The following PDE4D variants were observed in gnomAD, a reference collection of about 807,000 sequenced individuals.
PDE4D encodes phosphodiesterase 4D, also known as 3',5'-cyclic-AMP phosphodiesterase 4D.
PDE4D carries 24 observed loss-of-function variants against 87.4 expected under a neutral mutation model. That is an observed-to-expected ratio of 0.27 (90% CI 0.20 to 0.39). PDE4D has a LOEUF of 0.39. PDE4D is among the 10% of genes least tolerant of loss of function. The pLI is 1.00. For synonymous variants in PDE4D, 384 were observed against 383.2 expected (o/e 1.00, Z -0.02); for missense variants, 714 against 1,041.0 (o/e 0.69, Z 4.32).
At chr5:59,737,899 C>T (rs566049841) in intron 1 of PDE4D, among the ~76,000 whole-genome samples, 2 of 152,138 alleles carry the variant, frequency 1.3e-5, no homozygotes, top group South Asian at 2.1e-4. Context: ...CTTTTGACTT[C>T]CCGGTTTTAC....
rs113931244 is a variant in PDE4D, at chr5:60,264,619, C to T, written c.-89-78932G>A. Among the ~76,000 whole-genome samples the T allele has an allele frequency of 5.1e-4, 78 of 152,286 alleles. 2 individuals carry two copies. Among genetic ancestry groups the T allele is most frequent in the African/African-American group, 1.8e-3 (75 of 41,562 alleles). Reference sequence around the variant, plus strand: ...AAGTACAGTTGGTTGCCAAATTCAGCGACATCTGTCAATGTTTATCTCAAG... The same window carrying T: ...AAGTACAGTTGGTTGCCAAATTCAGTGACATCTGTCAATGTTTATCTCAAG... On this transcript the variant is annotated intron_variant, in intron 1 of 16. Coordinates refer to the PDE4D transcript ENST00000502484.
In PDE4D at chr5:60,160,200, G is replaced by A. The variant is rs1169029785; in HGVS notation, c.42+25357C>T. Among the ~76,000 whole-genome samples, 7 of 151,966 alleles carry A rather than the reference G, an allele frequency of 4.6e-5. No homozygotes were observed. In the South Asian group the frequency reaches 1.3e-3, roughly 27 times the overall value. ...CTAGCTTACTTTATTGTAAGAATACGGTATATAATACAAAAACATAAAAAT... is the reference window on the plus strand; with the variant it reads ...CTAGCTTACTTTATTGTAAGAATACAGTATATAATACAAAAACATAAAAAT... On this transcript the variant is annotated intron_variant, in intron 2 of 16. Coordinates refer to the PDE4D transcript ENST00000502484.
chr5:60,355,602 G>C (rs1212772899), intron 1 of PDE4D, among the ~76,000 whole-genome samples: 1 of 152,062 alleles, frequency 6.6e-6, no homozygotes, highest in South Asian at 2.1e-4. Context: ...AAAAATTTGA[G>C]TATAACTTTT....
intron 1 of PDE4D, among the ~76,000 whole-genome samples, chr5:59,259,301 T>G (rs1341656976): frequency 6.6e-6 from 1 of 151,848 alleles, no homozygotes; most frequent in African/African-American, 2.4e-5. Context: ...TCACCCAGCA[T>G]GTAAAAGAAG....
At chr5:59,125,048 G>A (rs527277778) in intron 5 of PDE4D, among the ~76,000 whole-genome samples, 1 of 151,904 alleles carries the variant, frequency 6.6e-6, no homozygotes, top group Non-Finnish European at 1.5e-5. Flanking sequence ...AGCAAGTTCA[G>A]CTCTCTTGCT....
chr5:60,447,921 T>C (rs1488230487), intron 1 of PDE4D, among the ~76,000 whole-genome samples: 2 of 152,112 alleles, frequency 1.3e-5, no homozygotes, highest in African/African-American at 2.4e-5. Flanking sequence ...TCTTTGAGGA[T>C]ATATGTTTTT....
chr5:59,163,275 CTTTTT>C (rs78168130), intron 5 of PDE4D, among the ~76,000 whole-genome samples: 2 of 135,664 alleles, frequency 1.5e-5, no homozygotes, highest in Admixed American at 7.4e-5. Flanking sequence ...AATGAACAAT[CTTTTT>C]TTTTTTTTTT....
At chr5:60,110,861 A>G (rs1428914576) in intron 2 of PDE4D, among the ~76,000 whole-genome samples, 1 of 152,136 alleles carries the variant, frequency 6.6e-6, no homozygotes, top group Non-Finnish European at 1.5e-5. Flanking sequence ...AGCAATGTGG[A>G]TGAACCTGGA....
At chr5:59,902,557 G>A (rs1199326359) in intron 3 of PDE4D, among the ~76,000 whole-genome samples, 1 of 152,012 alleles carries the variant, frequency 6.6e-6, no homozygotes, top group Non-Finnish European at 1.5e-5. Context: ...AGAGAAGGAA[G>A]GAGCCCACAG....
At position 60,162,658 on chromosome 5, in the gene PDE4D, C is replaced by A. The variant is rs564740677; in HGVS notation, c.42+22899G>T. Among the ~76,000 whole-genome samples the A allele has an allele frequency of 5.3e-5, 8 of 151,994 alleles. No homozygotes were observed. In the Middle Eastern group the frequency reaches 0.024, roughly 452 times the overall value. The stretch of plus-strand genomic sequence containing the variant: ...ATTCCTGGAGCCCTTCCCAGAGATA[C>A]TGAATCAAAAATCTCTTGGGATAAA... On this transcript the variant is annotated intron_variant, in intron 2 of 16. Transcript: ENST00000502484.
At chr5:59,550,457 C>T (rs956181416) in intron 1 of PDE4D, among the ~76,000 whole-genome samples, 4 of 152,188 alleles carry the variant, frequency 2.6e-5, no homozygotes, top group African/African-American at 9.6e-5. Flanking sequence ...CTCAAACTTT[C>T]ACTTTCATTG....
intron 1 of PDE4D, among the ~76,000 whole-genome samples, chr5:60,351,006 C>T (rs1759138171): frequency 6.6e-6 from 1 of 152,116 alleles, no homozygotes; most frequent in South Asian, 2.1e-4. Flanking sequence ...CTACAACAAG[C>T]AGATAAAAAG....
chr5:59,389,045 C>T (rs1232954322), intron 1 of PDE4D, among the ~76,000 whole-genome samples: 2 of 151,984 alleles, frequency 1.3e-5, no homozygotes, highest in African/African-American at 4.8e-5. Flanking sequence ...TGAATGGGTT[C>T]ATGAGTCAAC....
chr5:59,525,728 G>T (rs947349108), intron 1 of PDE4D, among the ~76,000 whole-genome samples: 2 of 152,184 alleles, frequency 1.3e-5, no homozygotes, highest in Non-Finnish European at 2.9e-5. Context: ...CATGGGAGGT[G>T]ATTAGATCAT....
At chr5:59,590,006 A>G (rs559707442) in intron 1 of PDE4D, among the ~76,000 whole-genome samples, 1 of 152,126 alleles carries the variant, frequency 6.6e-6, no homozygotes, top group African/African-American at 2.4e-5. Flanking sequence ...CAAAGAAAAA[A>G]CTGTAATTTA....
At chr5:59,865,655 A>G (rs1331218924) in intron 1 of PDE4D, among the ~76,000 whole-genome samples, 2 of 152,228 alleles carry the variant, frequency 1.3e-5, no homozygotes, top group African/African-American at 4.8e-5. Context: ...TTGTACGCTC[A>G]TATTTATTTA....
At chr5:59,121,898 C>G (rs1202986792) in intron 5 of PDE4D, among the ~76,000 whole-genome samples, 2 of 152,112 alleles carry the variant, frequency 1.3e-5, no homozygotes, top group African/African-American at 4.8e-5. Context: ...AATCCCAGCA[C>G]TTTTGGAGGC....
At chr5:60,250,587 A>T (rs1412862667) in intron 1 of PDE4D, among the ~76,000 whole-genome samples, 1 of 151,988 alleles carries the variant, frequency 6.6e-6, no homozygotes, top group Non-Finnish European at 1.5e-5. Context: ...AATATACCAT[A>T]GGCATAGTAA....
At chr5:59,148,754 GGTGTGT>G (rs3061422) in intron 5 of PDE4D, among the ~76,000 whole-genome samples, 360 of 145,566 alleles carry the variant, frequency 2.5e-3, no homozygotes, top group Middle Eastern at 7.1e-3. Context: ...AATATATAGC[GGTGTGT>G]GTGTGTGTGT....
Sources: gnomAD v4.1 joint callset for allele counts (sites outside exome capture counted in the v4.1 genomes callset) on GRCh38, gnomAD v4.1.1 for gene constraint, MANE v1.5 for transcripts, NCBI Gene and HGNC (gene_info 2026-07-23, HGNC 2026-07-21) for gene names.